Variants in CEP57L1 observed in about 807,000 individuals in gnomAD.
CEP57L1 encodes the protein centrosomal protein 57 like 1.
In CEP57L1, 37 loss-of-function variants were observed where a neutral mutation model predicts 61.0. The ratio of observed to expected loss-of-function variants is 0.61; its 90% CI spans 0.47 to 0.80. The LOEUF (loss-of-function observed/expected upper bound fraction) is 0.80, where lower values mean the gene tolerates loss of function less well. Among genes scored for constraint, CEP57L1 ranks in the 30% least tolerant of loss-of-function variants. The pLI, the probability that CEP57L1 is intolerant of heterozygous loss-of-function variation, is 0.00. For missense variants in CEP57L1, 422 were observed against 524.7 expected (o/e 0.80, Z 1.91); for synonymous variants, 137 against 162.3 (o/e 0.84, Z 1.19).
At chr6:109,142,629 A>C (rs1771513506) in intron 1 of CEP57L1, among the ~76,000 whole-genome samples, 1 of 150,410 alleles carries the variant, frequency 6.6e-6, no homozygotes, top group Non-Finnish European at 1.5e-5. Flanking sequence ...AAGAAAAAAA[A>C]AAAAGGTACA....
At chr6:109,113,151 T>C (rs979999159) in intron 1 of CEP57L1, among the ~76,000 whole-genome samples, 14 of 152,188 alleles carry the variant, frequency 9.2e-5, no homozygotes, top group African/African-American at 3.1e-4. Flanking sequence ...TCTAAGTCTC[T>C]TTGTAGGTCT....
chr6:109,118,819 G>A (rs892454178), intron 1 of CEP57L1, among the ~76,000 whole-genome samples: 7 of 152,066 alleles, frequency 4.6e-5, no homozygotes, highest in Admixed American at 4.6e-4. Flanking sequence ...GTTTTGTCTT[G>A]GAGCTCCACA....
In CEP57L1 at chr6:109,163,914, C is replaced by G. The variant is rs1288858670; in HGVS notation, c.*944C>G. ...TTACACTTGATCATTTTTCTGGAAG[C>G]CTATGGGAACTAGTACAACTCTTCT... On this transcript the variant is annotated 3_prime_UTR_variant, in exon 11 of 11. Coordinates refer to ENST00000517392, the MANE Select transcript of CEP57L1 (RefSeq NM_001271852.3). The G allele has an allele frequency of 6.6e-6, 1 of 152,068 alleles. No homozygotes were observed. The highest frequency in any genetic ancestry group is 1.5e-5 in the Non-Finnish European group (1 of 68,026). The allele number at this position is 152,068 out of a possible 1,614,324, so 9.4% of individuals were successfully genotyped here.
rs202070350 is a variant in CEP57L1 at position 109,169,226 on chromosome 6, C to CAAAAAAA, written c.*6271_*6277dup. Among the ~76,000 whole-genome samples the CAAAAAAA allele has an allele frequency of 4.1e-4, 28 of 67,482 alleles. No individual in the cohort carries two copies. The highest frequency in any genetic ancestry group is 8.6e-4 in the Admixed American group (5 of 5,806). 44.3% of individuals were successfully genotyped at this position (67,482 alleles called of 152,430 possible). A position where few individuals can be genotyped will look rare whatever the true frequency, so the allele number is the denominator to read the frequency against. ...GAGCAGCAGAGTGAGGCTCCATCAG[C>CAAAAAAA]AAAAAAAAAAAAAAAAAAAAAGATC... On this transcript the variant is annotated 3_prime_UTR_variant, in exon 11 of 11. Transcript: ENST00000517392.
chr6:109,101,966 A>G (rs1008638668), intron 1 of CEP57L1, among the ~76,000 whole-genome samples: 1 of 152,116 alleles, frequency 6.6e-6, no homozygotes, highest in African/African-American at 2.4e-5. Context: ...TTTCCCACCA[A>G]TGAATGAGAG....
chr6:109,103,350 TG>T (rs2114571702), intron 1 of CEP57L1, among the ~76,000 whole-genome samples: 1 of 152,218 alleles, frequency 6.6e-6, no homozygotes, highest in East Asian at 1.9e-4. Context: ...GTGGGGTATA[TG>T]TGTATTGCCC....
At chr6:109,116,680 G>C (rs887153020) in intron 1 of CEP57L1, among the ~76,000 whole-genome samples, 2 of 152,092 alleles carry the variant, frequency 1.3e-5, no homozygotes, top group Non-Finnish European at 2.9e-5. Flanking sequence ...GGTGAGAATT[G>C]TGACCTTCAG....
chr6:109,099,688 T>G (rs1276281442), intron 1 of CEP57L1, among the ~76,000 whole-genome samples: 1 of 152,200 alleles, frequency 6.6e-6, no homozygotes, highest in Non-Finnish European at 1.5e-5. Context: ...TAGCTGGGAC[T>G]ACAGACACCC....
intron 7 of CEP57L1, chr6:109,156,206 A>AG (rs1363328957): frequency 6.2e-6 from 1 of 162,144 alleles, no homozygotes; most frequent in Admixed American, 6.5e-5. Context: ...AAAGATTAAC[A>AG]TTTTTCTAGT....
intron 1 of CEP57L1, among the ~76,000 whole-genome samples, chr6:109,095,884 C>A (rs752557788): frequency 5.6e-4 from 85 of 152,210 alleles, no homozygotes; most frequent in Non-Finnish European, 1.1e-3. Flanking sequence ...TGGACACACG[C>A]GGGGTGGATT....
chr6:109,101,662 A>G (rs1028413623), intron 1 of CEP57L1, among the ~76,000 whole-genome samples: 1 of 138,374 alleles, frequency 7.2e-6, no homozygotes, highest in Non-Finnish European at 1.5e-5. Flanking sequence ...ACTCTTTCGC[A>G]CAGGCTGGAC....
At chr6:109,159,173 C>T in intron 8 of CEP57L1, 71 bp downstream of exon 8, 11 of 1,613,570 alleles carry the variant, frequency 6.8e-6, no homozygotes, top group Non-Finnish European at 9.3e-6. Context: ...ATTTAAATAT[C>T]TTCAGTCATT....
At chr6:109,101,121 A>G (rs1009704604) in intron 1 of CEP57L1, among the ~76,000 whole-genome samples, 2 of 152,160 alleles carry the variant, frequency 1.3e-5, no homozygotes, top group Admixed American at 6.5e-5. Flanking sequence ...AAAAAACAAA[A>G]CAAAACAGTC....
intron 6 of CEP57L1, among the ~76,000 whole-genome samples, chr6:109,155,516 A>G (rs1259013540): frequency 6.6e-6 from 1 of 151,970 alleles, no homozygotes; most frequent in African/African-American, 2.4e-5. Context: ...TCTGACAAAT[A>G]CATATATTCT....
chr6:109,096,508 C>G (rs1217029881), intron 1 of CEP57L1, among the ~76,000 whole-genome samples: 1 of 152,130 alleles, frequency 6.6e-6, no homozygotes, highest in Non-Finnish European at 1.5e-5. Flanking sequence ...TTTCAGGAAA[C>G]GTCAGTAAGC....
chr6:109,115,251 T>C (rs1173048322), intron 1 of CEP57L1, among the ~76,000 whole-genome samples: 1 of 151,990 alleles, frequency 6.6e-6, no homozygotes, highest in Middle Eastern at 3.2e-3. Context: ...GTATTTTTTT[T>C]TTAAAGGAGA....
chr6:109,095,361 C>G (rs1454573252), upstream of CEP57L1: 1 of 985,736 alleles, frequency 1.0e-6, no homozygotes, highest in Non-Finnish European at 1.2e-6. Context: ...TAAGATCACC[C>G]TAAAAGTAGT....
intron 3 of CEP57L1, among the ~76,000 whole-genome samples, chr6:109,147,418 T>A (rs1273091784): frequency 6.6e-6 from 1 of 152,042 alleles, no homozygotes; most frequent in East Asian, 1.9e-4. Context: ...CATAGGCAAA[T>A]GGGGGAGGCT....
At position 109,130,222 on chromosome 6, in the gene CEP57L1, C is replaced by G. The variant is rs78306599; in HGVS notation, c.-3-14997C>G. Among the ~76,000 whole-genome samples the G allele has an allele frequency of 8.4e-3, 1,274 of 152,274 alleles. 24 individuals carry two copies. Among genetic ancestry groups the G allele is most frequent in the African/African-American group, 0.029 (1,219 of 41,540 alleles). On this transcript the variant is annotated intron_variant, in intron 1 of 10. Transcript: ENST00000517392. ...AACTCTGTAACTCATTTCACTCCCC[C>G]CCAGCAACCACCATTCTACCTTCTG...
Sources: gnomAD v4.1 joint callset for allele counts (sites outside exome capture counted in the v4.1 genomes callset) on GRCh38, gnomAD v4.1.1 for gene constraint, MANE v1.5 for transcripts, NCBI Gene and HGNC (gene_info 2026-07-23, HGNC 2026-07-21) for gene names.